Variants in BRD4 observed in about 807,000 individuals in gnomAD.
BRD4 encodes the protein bromodomain-containing protein 4.
A neutral mutation model predicts 142.1 loss-of-function variants in BRD4; 16 were observed. The ratio of observed to expected loss-of-function variants is 0.11; its 90% confidence interval spans 0.08 to 0.17. The LOEUF (loss-of-function observed/expected upper bound fraction) is 0.17, where lower values mean the gene tolerates loss of function less well. Among genes scored for constraint, BRD4 ranks in the 10% least tolerant of loss-of-function variants. The pLI, the probability that BRD4 is intolerant of heterozygous loss-of-function variation, is 1.00. For synonymous variants in BRD4, 833 were observed against 707.5 expected (o/e 1.18, Z -2.82); for missense variants, 1,424 against 1,810.9 (o/e 0.79, Z 3.88).
intron 1 of BRD4, among the ~76,000 whole-genome samples, chr19:15,321,440 A>G (rs569752227): frequency 6.6e-6 from 1 of 151,668 alleles, no homozygotes; most frequent in East Asian, 1.9e-4. Context: ...GCCATGCTTG[A>G]GGCAAGCCAG....
rs2145495380 is a variant in BRD4 at position 15,237,768 on chromosome 19, T to C, written c.*609A>G. The C allele has an allele frequency of 4.3e-6, 1 of 232,558 alleles. No individual in the cohort carries two copies. The highest frequency in any genetic ancestry group is 8.5e-6 in the Non-Finnish European group (1 of 117,708). 14.4% of individuals were successfully genotyped at this position (232,558 alleles called of 1,614,324 possible). A position where few individuals can be genotyped will look rare whatever the true frequency, so the allele number is the denominator to read the frequency against. ...ATGGACACACACACCTCCACGGCAC[T>C]ATTCCCTTTTGCACAAGCAAACACT... On this transcript the variant is annotated 3_prime_UTR_variant, in exon 20 of 20. Transcript: ENST00000679869.
chr19:15,257,713 C>G (rs1324005272), intron 7 of BRD4, among the ~76,000 whole-genome samples: 1 of 152,196 alleles, frequency 6.6e-6, no homozygotes, highest in Non-Finnish European at 1.5e-5. Flanking sequence ...CTAAGTCGGT[C>G]TCCTCATTCC....
At chr19:15,323,329 A>C (rs2048080694) in intron 1 of BRD4, among the ~76,000 whole-genome samples, 1 of 152,162 alleles carries the variant, frequency 6.6e-6, no homozygotes, top group South Asian at 2.1e-4. Flanking sequence ...GGACACAGGC[A>C]GATGTCCCCT....
intron 14 of BRD4, among the ~76,000 whole-genome samples, chr19:15,241,021 C>T (rs530185238): frequency 2.0e-5 from 3 of 152,340 alleles, no homozygotes; most frequent in African/African-American, 7.2e-5. Context: ...ACCACAATGC[C>T]CCAGGTGTGG....
chr19:15,259,306 G>A (rs140034911), intron 7 of BRD4, among the ~76,000 whole-genome samples: 191 of 152,324 alleles, frequency 1.3e-3, no homozygotes, highest in African/African-American at 4.4e-3. Context: ...TCTACTGAGT[G>A]GTAGCTACCT....
At chr19:15,317,436 T>A (rs1336264477) in intron 1 of BRD4, among the ~76,000 whole-genome samples, 1 of 152,264 alleles carries the variant, frequency 6.6e-6, no homozygotes, top group Middle Eastern at 3.4e-3. Context: ...AAAACAGGCA[T>A]GCAGTAAGCA....
chr19:15,303,767 C>T (rs1300472040), intron 1 of BRD4, among the ~76,000 whole-genome samples: 1 of 152,132 alleles, frequency 6.6e-6, no homozygotes, highest in Admixed American at 6.6e-5. Flanking sequence ...AACTGTAATG[C>T]GATAACCAGA....
chr19:15,246,685 A>T (rs1438505677), intron 11 of BRD4: 1 of 151,964 alleles, frequency 6.6e-6, no homozygotes, highest in African/African-American at 2.4e-5. Context: ...GGCCCATAGG[A>T]GAAGATGTAG....
intron 1 of BRD4, among the ~76,000 whole-genome samples, chr19:15,302,531 TC>T (rs971067907): frequency 3.9e-5 from 6 of 152,038 alleles, no homozygotes; most frequent in Non-Finnish European, 8.8e-5. Context: ...TAGCCAGGCA[TC>T]GTGGCACATG....
intron 1 of BRD4, among the ~76,000 whole-genome samples, chr19:15,288,185 T>A (rs753051628): frequency 6.6e-6 from 1 of 152,222 alleles, no homozygotes; most frequent in Admixed American, 6.5e-5. Flanking sequence ...AGGGCTGCTA[T>A]GAACATGGGC....
In BRD4 at chr19:15,273,144, A is replaced by T. The variant is rs150628049; in HGVS notation, c.-34-11T>A. 323 of 1,539,062 alleles carry T rather than the reference A, an allele frequency of 2.1e-4. 1 individual carries two copies. The African/African-American group carries it at 4.1e-3, about 19-fold the overall frequency. On this transcript the variant is annotated splice_polypyrimidine_tract_variant and intron_variant, in intron 1 of 19. Coordinates refer to ENST00000679869, the MANE Select transcript of BRD4 (RefSeq NM_001379291.1). ...TCTTCACCAGGCACTCTACAAAGGA[A>T]GAGAAGAGCCCCCGTGAGATATCAG... is the stretch of plus-strand genomic sequence containing the variant.
In BRD4 at chr19:15,292,533, C is replaced by T. The variant is rs2047789724; in HGVS notation, c.-34-19400G>A. Among the ~76,000 whole-genome samples the T allele has an allele frequency of 2.0e-5, 3 of 152,116 alleles. No individual in the cohort carries two copies. In the East Asian group the frequency reaches 5.8e-4, roughly 29 times the overall value. On this transcript the variant is annotated intron_variant, in intron 1 of 19. Coordinates refer to ENST00000679869, the MANE Select transcript of BRD4 (RefSeq NM_001379291.1). ...GTGGCTCACGCCTGTAATCCCAACA[C>T]TCTGGGAGGCCGAGGCGGGCGGATC...
At chr19:15,301,658 G>A (rs990573346) in intron 1 of BRD4, among the ~76,000 whole-genome samples, 27 of 151,480 alleles carry the variant, frequency 1.8e-4, no homozygotes, top group African/African-American at 3.9e-4. Context: ...TCAGGAGATC[G>A]AGACCATCCT....
chr19:15,254,078 G>A, intron 11 of BRD4, 74 bp downstream of exon 11: 1 of 1,289,478 alleles, frequency 7.8e-7, no homozygotes, highest in East Asian at 2.3e-5. Flanking sequence ...TAGCATCCTG[G>A]ACACAGGACC....
At chr19:15,260,433 AAAAC>A (rs1477211254) in intron 7 of BRD4, among the ~76,000 whole-genome samples, 9 of 152,216 alleles carry the variant, frequency 5.9e-5, no homozygotes. Flanking sequence ...AGAAGTAAGA[AAAAC>A]AAAGCCTGAA....
At chr19:15,303,325 C>T (rs1007774691) in intron 1 of BRD4, among the ~76,000 whole-genome samples, 4 of 152,142 alleles carry the variant, frequency 2.6e-5, no homozygotes, top group Admixed American at 1.3e-4. Context: ...CATACTAATG[C>T]TTCCTGGAGG....
At chr19:15,273,246 T>C in intron 1 of BRD4, 113 bp from the exon 2 acceptor site, 4 of 1,150,172 alleles carry the variant, frequency 3.5e-6, no homozygotes, top group Non-Finnish European at 4.8e-6. Flanking sequence ...TGGCGGTAGC[T>C]AGCCAAGTTG....
Position 15,244,511 on chromosome 19 carries a change from AGGCGGTGGG to A in BRD4, c.2292_2300del (p.Pro768_Pro770del). The A allele has an allele frequency of 2.5e-6, 1 of 402,912 alleles. No individual in the cohort carries two copies. Among genetic ancestry groups the A allele is most frequent in the South Asian group, 4.4e-5 (1 of 22,962 alleles). 25.0% of individuals were successfully genotyped at this position (402,912 alleles called of 1,614,324 possible). On this transcript the variant is annotated inframe_deletion, in exon 13 of 20. Transcript: ENST00000679869. ...GCTGCTGTTGCTGCTGCGGAGGTGG[AGGCGGTGGG>A]GGCTGCTGGGGAGGCGGGGGCGGCT...
intron 1 of BRD4, among the ~76,000 whole-genome samples, chr19:15,319,488 C>A (rs565270725): frequency 6.6e-6 from 1 of 152,154 alleles, no homozygotes; most frequent in African/African-American, 2.4e-5. Context: ...GTGACACACA[C>A]CTGTAGTTGC....
Sources: allele counts gnomAD v4.1 joint callset (sites outside exome capture counted in the v4.1 genomes callset), GRCh38; gene constraint gnomAD v4.1.1; transcripts MANE v1.5; gene names NCBI Gene and HGNC (gene_info 2026-07-23, HGNC 2026-07-21).